STAM: variants seen among roughly 807,000 people sequenced by gnomAD.
The protein encoded by STAM is signal transducing adapter molecule 1.
In STAM, 16 loss-of-function variants were observed where a neutral mutation model predicts 63.4. The ratio of observed to expected loss-of-function variants is 0.25; its 90% CI spans 0.17 to 0.38. STAM has a LOEUF of 0.38. STAM is among the 10% of genes least tolerant of loss of function. The probability of loss-of-function intolerance (pLI) is 1.00; values close to 1 mark genes in which losing one functional copy is unlikely to be tolerated. For missense variants in STAM, 636 were observed against 657.1 expected (o/e 0.97, Z 0.35); for synonymous variants, 238 against 223.9 (o/e 1.06, Z -0.56).
At chr10:17,687,958 T>G in intron 4 of STAM, 69 bp from the exon 5 acceptor site, 1 of 1,332,218 alleles carries the variant, frequency 7.5e-7, no homozygotes, top group Non-Finnish European at 1.0e-6. Context: ...AACTTTACTA[T>G]TTAAAATGTC....
intron 2 of STAM, among the ~76,000 whole-genome samples, chr10:17,668,754 A>T (rs549245326): frequency 1.3e-5 from 2 of 152,214 alleles, no homozygotes; most frequent in Non-Finnish European, 2.9e-5. Flanking sequence ...ACTTACCAGT[A>T]TGCATTTAAG....
chr10:17,711,725 C>A (rs1275567644), intron 13 of STAM, among the ~76,000 whole-genome samples: 1 of 152,222 alleles, frequency 6.6e-6, no homozygotes, highest in Non-Finnish European at 1.5e-5. Context: ...AGCACACTTA[C>A]CAAGGGTTGA....
At position 17,715,846 on chromosome 10, in the gene STAM, G is replaced by A. The variant is rs1244782678; in HGVS notation, c.*1066G>A. 1 of 152,554 alleles carries A rather than the reference G, an allele frequency of 6.6e-6. No homozygotes were observed. Among genetic ancestry groups the A allele is most frequent in the African/African-American group, 2.4e-5 (1 of 41,426 alleles). 9.5% of individuals were successfully genotyped at this position (152,554 alleles called of 1,614,324 possible). ...AATCCCTTGCTAGTATTTTAAATAT[G>A]TCTTTAACACATTGTATCCTTTAAT... On this transcript the variant is annotated 3_prime_UTR_variant, in exon 14 of 14. Coordinates refer to ENST00000377524, the MANE Select transcript of STAM (RefSeq NM_003473.4).
intron 12 of STAM, 31 bp from the exon 13 acceptor site, chr10:17,708,745 A>C: frequency 6.4e-7 from 1 of 1,553,620 alleles, no homozygotes; most frequent in Non-Finnish European, 8.8e-7. Context: ...AAATTTTAGA[A>C]TTGAATATGA....
At chr10:17,694,248 T>A (rs74118013) in intron 6 of STAM, among the ~76,000 whole-genome samples, 18,421 of 152,152 alleles carry the variant, frequency 0.12, 1,222 homozygotes, top group African/African-American at 0.16. Flanking sequence ...TTAAGTTTTG[T>A]GAAGGCCAGA....
chr10:17,696,319 T>C (rs1554827464), intron 7 of STAM, among the ~76,000 whole-genome samples: 1 of 152,130 alleles, frequency 6.6e-6, no homozygotes, highest in African/African-American at 2.4e-5. Flanking sequence ...TTTGCGAATG[T>C]TTTGCACTGT....
rs201170355 is a variant in STAM at position 17,708,904 on chromosome 10, C to T, written c.1338C>T (p.Ser446=). ...TCAGCCAGGCAGTGGTCCCACCATC[C>T]GCAAACCCAGCCCTTCCTAGTCAGC... ...SSLSQAVVPP[S]ANPALPSQQT... is the part of the protein sequence containing the mutation. Residue 446 remains serine, a synonymous_variant, in exon 13 of 14, where the codon TCC becomes TCT. Coordinates refer to ENST00000377524, the MANE Select transcript of STAM (RefSeq NM_003473.4). 3.5e-5 allele frequency: 56 copies of T among 1,614,106 alleles called. No individual in the cohort carries two copies. Among genetic ancestry groups the T allele is most frequent in the South Asian group, 1.5e-4 (14 of 91,070 alleles).
intron 5 of STAM, among the ~76,000 whole-genome samples, chr10:17,690,285 G>A (rs1288791393): frequency 1.3e-5 from 2 of 152,142 alleles, no homozygotes; most frequent in Non-Finnish European, 2.9e-5. Flanking sequence ...AGTGAATGCT[G>A]GCAAGAGCAT....
At chr10:17,666,965 G>C (rs549041541) in intron 2 of STAM, among the ~76,000 whole-genome samples, 2 of 151,918 alleles carry the variant, frequency 1.3e-5, no homozygotes, top group South Asian at 4.2e-4. Context: ...ACTACTTATT[G>C]TTTGCTAGAC....
Position 17,684,882 on chromosome 10 carries a change from A to G in STAM, c.252A>G (p.Val84=), listed in dbSNP as rs1835231185. 1.2e-6 allele frequency: 2 copies of G among 1,614,096 alleles called. No individual in the cohort carries two copies. Among genetic ancestry groups the G allele is most frequent in the Non-Finnish European group, 1.7e-6 (2 of 1,179,968 alleles). ...SNCGKIFHLE[V]CSRDFASEVS... Reference sequence around the variant, plus strand: ...GTGGCAAAATTTTTCATTTAGAAGTATGTTCAAGAGATTTTGCTAGTGAAG... The same window carrying G: ...GTGGCAAAATTTTTCATTTAGAAGTGTGTTCAAGAGATTTTGCTAGTGAAG... The change falls in exon 4 of 14, where the codon GTA becomes GTG. Residue 84 remains valine, a synonymous_variant. Transcript: ENST00000377524.
At chr10:17,657,666 T>G (rs1833994039) in intron 1 of STAM, among the ~76,000 whole-genome samples, 1 of 152,224 alleles carries the variant, frequency 6.6e-6, no homozygotes, top group African/African-American at 2.4e-5. Flanking sequence ...TTAGATTGTC[T>G]GTTTCTTGTA....
rs1554830847 is a variant in STAM, at chr10:17,715,917, T to C, written c.*1137T>C. 2 of 152,662 alleles carry C rather than the reference T, an allele frequency of 1.3e-5. No individual in the cohort carries two copies. The highest frequency in any genetic ancestry group is 1.3e-4 in the Admixed American group (2 of 15,290). The allele number at this position is 152,662 out of a possible 1,614,324, so 9.5% of individuals were successfully genotyped here. On this transcript the variant is annotated 3_prime_UTR_variant, in exon 14 of 14. Coordinates refer to ENST00000377524, the MANE Select transcript of STAM (RefSeq NM_003473.4). Reference sequence around the variant, plus strand: ...AGTAGATGTTTCAAAGTAATCTACATTCCTGGCTTTGCTTAACGTTTATAT... The same window carrying C: ...AGTAGATGTTTCAAAGTAATCTACACTCCTGGCTTTGCTTAACGTTTATAT...
chr10:17,689,600 A>G (rs1835444079), intron 5 of STAM, among the ~76,000 whole-genome samples: 1 of 152,230 alleles, frequency 6.6e-6, no homozygotes, highest in African/African-American at 2.4e-5. Context: ...ATTAAGGAAA[A>G]ATCTTAAACA....
At chr10:17,700,828 T>C (rs1316083726) in intron 9 of STAM, among the ~76,000 whole-genome samples, 4 of 152,312 alleles carry the variant, frequency 2.6e-5, no homozygotes, top group Non-Finnish European at 1.5e-5. Flanking sequence ...TGACTATCTA[T>C]TGAAACAAAT....
At position 17,708,795 on chromosome 10, in the gene STAM, C is replaced by A. The variant is rs1217406796; in HGVS notation, c.1229C>A (p.Pro410Gln). The A allele has an allele frequency of 6.2e-7, 1 of 1,613,610 alleles. No homozygotes were observed. The highest frequency in any genetic ancestry group is 8.5e-7 in the Non-Finnish European group (1 of 1,179,720). ...TCGCAGGTGTATGCAGGGCCTCCTC[C>A]AAGTGGTGCCTACCTGGTTGCAGGG... is the stretch of plus-strand genomic sequence containing the variant. ...SGSQVYAGPP[P>Q]SGAYLVAGNA... Residue 410 changes from proline (P) to glutamine (Q), a missense_variant, in exon 13 of 14, where the codon CCA (proline) becomes CAA (glutamine). By Grantham distance (76) the Pro-to-Gln change is moderately conservative. Around this residue, in one of 3 missense-constraint regions of STAM, gnomAD observed 532 missense variants for 536.9 expected, o/e 0.99. Transcript: ENST00000377524.
intron 13 of STAM, among the ~76,000 whole-genome samples, chr10:17,713,956 C>T (rs1371111845): frequency 6.6e-6 from 1 of 152,122 alleles, no homozygotes; most frequent in East Asian, 1.9e-4. Context: ...GCTCTCCCCT[C>T]GGCACCCCCT....
chr10:17,645,071 A>G (rs1554820659), intron 1 of STAM, among the ~76,000 whole-genome samples: 1 of 152,242 alleles, frequency 6.6e-6, no homozygotes, highest in Non-Finnish European at 1.5e-5. Context: ...TTTCTGAATC[A>G]CTGGTATTAG....
intron 2 of STAM, among the ~76,000 whole-genome samples, chr10:17,674,934 C>T (rs184236726): frequency 1.4e-4 from 21 of 152,182 alleles, no homozygotes; most frequent in African/African-American, 4.1e-4. Flanking sequence ...ACACTCAATC[C>T]TTAAGAATGG....
At chr10:17,695,478 A>G (rs966071351) in intron 7 of STAM, among the ~76,000 whole-genome samples, 7 of 152,184 alleles carry the variant, frequency 4.6e-5, no homozygotes, top group Admixed American at 1.3e-4. Flanking sequence ...AGTTTAATCT[A>G]TTCATTTTCG....
Sources: allele counts gnomAD v4.1 joint callset (sites outside exome capture counted in the v4.1 genomes callset), GRCh38; gene constraint gnomAD v4.1.1; regional missense constraint gnomAD v4.1.1; transcripts MANE v1.5; gene names NCBI Gene and HGNC (gene_info 2026-07-23, HGNC 2026-07-21).